The following NEDD4 variants were observed in gnomAD, a reference collection of about 807,000 sequenced individuals.
NEDD4 encodes the protein NEDD4 E3 ubiquitin protein ligase.
Under a neutral mutation model 144.9 loss-of-function variants are expected in NEDD4, and 99 were observed. The observed-to-expected ratio is 0.68, with a 90% CI of 0.58 to 0.81. The LOEUF (loss-of-function observed/expected upper bound fraction) is 0.81, where lower values mean the gene tolerates loss of function less well. Ranked by LOEUF, NEDD4 falls within the 30% of genes least tolerant of loss-of-function variation. NEDD4 has a pLI of 0.00. For synonymous variants in NEDD4, 318 were observed against 350.6 expected, an observed-to-expected ratio of 0.91 and a Z score of 1.04; for missense variants, 985 against 1,065.9, an observed-to-expected ratio of 0.92 and a Z score of 1.06.
chr15:55,861,461 A>T (rs1185475054), intron 9 of NEDD4, among the ~76,000 whole-genome samples: 1 of 152,214 alleles, frequency 6.6e-6, no homozygotes, highest in Non-Finnish European at 1.5e-5. Context: ...AATGAATAAG[A>T]CCTAGTATTT....
intron 1 of NEDD4, among the ~76,000 whole-genome samples, 192 bp downstream of exon 1, chr15:55,993,319 C>A (rs1040525083): frequency 1.3e-5 from 2 of 152,134 alleles, no homozygotes; most frequent in African/African-American, 4.8e-5. Context: ...CTCCCTCCAG[C>A]GAGCCCCCAG....
intron 11 of NEDD4, among the ~76,000 whole-genome samples, chr15:55,857,924 A>C (rs942263906): frequency 1.3e-5 from 2 of 152,200 alleles, no homozygotes; most frequent in Non-Finnish European, 2.9e-5. Flanking sequence ...TGGGCGACAG[A>C]GTGAGACCCT....
intron 1 of NEDD4, chr15:55,991,805 A>AGTGGTTTTATTT (rs2037992726): frequency 6.6e-6 from 1 of 152,212 alleles, no homozygotes; most frequent in Admixed American, 6.5e-5. Flanking sequence ...ATTAACTGCC[A>AGTGGTTTTATTT]CAATTAGTTT....
intron 4 of NEDD4, among the ~76,000 whole-genome samples, chr15:55,947,296 A>G (rs553784036): frequency 1.6e-3 from 244 of 152,032 alleles, no homozygotes; most frequent in Non-Finnish European, 2.5e-3. Flanking sequence ...GAAGAATCAA[A>G]TAGACGCAAT....
At chr15:55,938,184 C>G (rs946911772) in intron 4 of NEDD4, among the ~76,000 whole-genome samples, 76 of 152,134 alleles carry the variant, frequency 5.0e-4, no homozygotes, top group African/African-American at 1.8e-3. Context: ...CGTAGTGAAA[C>G]CCTGTCTCTA....
At chr15:55,931,555 A>C (rs1264800286) in intron 4 of NEDD4, among the ~76,000 whole-genome samples, 8 of 152,236 alleles carry the variant, frequency 5.3e-5, no homozygotes, top group African/African-American at 9.6e-5. Flanking sequence ...ATTGAAAAAA[A>C]GGATAACTAT....
chr15:55,903,981 G>A (rs1196231683), intron 5 of NEDD4, among the ~76,000 whole-genome samples: 3 of 151,890 alleles, frequency 2.0e-5, no homozygotes, highest in South Asian at 2.1e-4. Context: ...CCAACACGGT[G>A]AAACCCCATC....
At chr15:55,868,956 T>C (rs1048704251) in intron 8 of NEDD4, among the ~76,000 whole-genome samples, 1 of 152,178 alleles carries the variant, frequency 6.6e-6, no homozygotes, top group Non-Finnish European at 1.5e-5. Flanking sequence ...AGTGTGCAAC[T>C]AGGATTCCAG....
intron 2 of NEDD4, among the ~76,000 whole-genome samples, chr15:55,952,975 G>A (rs748664857): frequency 2.3e-4 from 34 of 146,320 alleles, no homozygotes; most frequent in Non-Finnish European, 3.7e-4. Context: ...ATCACGTTTC[G>A]TGTATTAATT....
intron 4 of NEDD4, among the ~76,000 whole-genome samples, chr15:55,925,223 T>C (rs1231413334): frequency 1.3e-5 from 2 of 152,226 alleles, no homozygotes; most frequent in Non-Finnish European, 2.9e-5. Flanking sequence ...GTGAATCTGG[T>C]TGTTTATTTT....
intron 21 of NEDD4, among the ~76,000 whole-genome samples, chr15:55,839,983 AAAAAAAAAAAAAAAAAATAT>A (rs1468715617): frequency 8.7e-5 from 4 of 46,192 alleles, no homozygotes; most frequent in African/African-American, 3.5e-4. Context: ...CAAAAAAAAA[AAAAAAAAAAAAAAAAAATAT>A]ATATATATAT....
intron 5 of NEDD4, among the ~76,000 whole-genome samples, chr15:55,888,779 AC>A (rs1411359204): frequency 6.6e-6 from 1 of 152,158 alleles, no homozygotes; most frequent in Admixed American, 6.5e-5. Flanking sequence ...AGAATAGAGA[AC>A]CCAGAAACAA....
intron 1 of NEDD4, among the ~76,000 whole-genome samples, chr15:55,974,122 T>C (rs1267024377): frequency 6.6e-6 from 1 of 152,138 alleles, no homozygotes; most frequent in Non-Finnish European, 1.5e-5. Flanking sequence ...AAAGGATCAT[T>C]AGAGACTACT....
Position 55,916,851 on chromosome 15 carries a change from T to C in NEDD4, c.291+7795A>G, listed in dbSNP as rs139142216. ...TGCCATTTGTTCTCATTTCCAAACA[T>C]GTTAAGGGCTGAAAGTCATAACAAA... On this transcript the variant is annotated intron_variant, in intron 5 of 28. Coordinates refer to ENST00000435532, the MANE Select transcript of NEDD4 (RefSeq NM_006154.4). 3.5e-5 allele frequency: 55 copies of C among 1,570,328 alleles called. No individual in the cohort carries two copies. The East Asian group carries it at 1.1e-3, about 33-fold the overall frequency.
intron 2 of NEDD4, among the ~76,000 whole-genome samples, chr15:55,960,245 G>C (rs2037403794): frequency 6.6e-6 from 1 of 152,204 alleles, no homozygotes; most frequent in South Asian, 2.1e-4. Flanking sequence ...GTGTCTGTGA[G>C]GGTGTTGCCA....
At chr15:55,831,932 A>G (rs1221909647) in intron 27 of NEDD4, among the ~76,000 whole-genome samples, 1 of 152,202 alleles carries the variant, frequency 6.6e-6, no homozygotes, top group South Asian at 2.1e-4. Flanking sequence ...TATCATTCCA[A>G]TAAACAGAAT....
chr15:55,958,911 C>G (rs62045211), intron 2 of NEDD4, among the ~76,000 whole-genome samples: 1 of 123,184 alleles, frequency 8.1e-6, no homozygotes, highest in South Asian at 2.9e-4. Flanking sequence ...TTCTCTCTAA[C>G]TCTTGATCAT....
chr15:55,857,099 A>G (rs141446203), intron 11 of NEDD4, among the ~76,000 whole-genome samples: 395 of 152,362 alleles, frequency 2.6e-3, no homozygotes, highest in Admixed American at 4.6e-3. Context: ...AGCAAGTGAA[A>G]AAAGCAAGTT....
chr15:55,940,955 G>A (rs747765939), intron 4 of NEDD4, among the ~76,000 whole-genome samples: 60 of 151,976 alleles, frequency 3.9e-4, no homozygotes, highest in Non-Finnish European at 7.5e-4. Flanking sequence ...CATATTTTCT[G>A]TTTCTACTTA....
Sources: allele counts gnomAD v4.1 joint callset (sites outside exome capture counted in the v4.1 genomes callset), GRCh38; gene constraint gnomAD v4.1.1; transcripts MANE v1.5; gene names NCBI Gene and HGNC (gene_info 2026-07-23, HGNC 2026-07-21).